The following LANCL1 variants were observed in gnomAD, a reference collection of about 807,000 sequenced individuals.
LANCL1 encodes the protein glutathione S-transferase LANCL1.
Under a neutral mutation model 50.6 loss-of-function variants are expected in LANCL1, and 50 were observed. That is an observed-to-expected ratio of 0.99 (90% CI 0.79 to 1.25). The LOEUF (loss-of-function observed/expected upper bound fraction) is 1.25. Among genes scored for constraint, LANCL1 ranks in the 50% most tolerant of loss-of-function variants. LANCL1 has a pLI of 0.00. For missense variants in LANCL1, 532 were observed against 480.7 expected, an observed-to-expected ratio of 1.11 and a Z score of -1.00; for synonymous variants, 188 against 178.6, an observed-to-expected ratio of 1.05 and a Z score of -0.42.
At position 210,476,605 on chromosome 2, in the gene LANCL1, G is replaced by A; in HGVS notation, c.-17+15C>T. 1 of 1,363,616 alleles carries A rather than the reference G, an allele frequency of 7.3e-7. No homozygotes were observed. Among genetic ancestry groups the A allele is most frequent in the South Asian group, 1.8e-5 (1 of 55,006 alleles). 84.5% of individuals were successfully genotyped at this position (1,363,616 alleles called of 1,614,324 possible). ...TGGCGCCTTCGCGAAAAAGCTGCCA[G>A]GGCCCTTAACCCACCCGGACAAAGA... On this transcript the variant is annotated intron_variant, in intron 1 of 9. Coordinates refer to ENST00000450366, the MANE Select transcript of LANCL1 (RefSeq NM_006055.3).
chr2:210,464,895 A>T (rs937383233), intron 3 of LANCL1, among the ~76,000 whole-genome samples: 1 of 146,742 alleles, frequency 6.8e-6, no homozygotes. Context: ...GAACCCGGGA[A>T]GCGGAGCTTG....
intron 3 of LANCL1, among the ~76,000 whole-genome samples, chr2:210,463,130 T>C (rs1693920017): frequency 6.6e-6 from 1 of 152,206 alleles, no homozygotes; most frequent in Non-Finnish European, 1.5e-5. Context: ...TAACCTTGAA[T>C]GAAGTACTCA....
At position 210,441,331 on chromosome 2, in the gene LANCL1, T is replaced by A. The variant is rs369706201; in HGVS notation, c.520A>T (p.Ile174Phe). 1 of 1,612,870 alleles carries A rather than the reference T, an allele frequency of 6.2e-7. No individual in the cohort carries two copies. Among genetic ancestry groups the A allele is most frequent in the African/African-American group, 1.3e-5 (1 of 74,902 alleles). Residue 174 changes from isoleucine to phenylalanine, a missense_variant, in exon 5 of 10, where the codon ATT becomes TTT. Ile to Phe is a conservative substitution (Grantham distance 21, BLOSUM62 0). Transcript: ENST00000450366. The stretch of plus-strand genomic sequence containing the variant: ...ACCTGCTGAATATGGCTTTGAGGAA[T>A]CTTTTCCACTCCAAAGTTCTTATTG... ...FVNKNFGVEK[I>F]PQSHIQQICE...
Position 210,433,932 on chromosome 2 carries a change from T to G in LANCL1, c.*555A>C, listed in dbSNP as rs1211705852. The G allele has an allele frequency of 6.6e-6, 1 of 152,208 alleles. No homozygotes were observed. Among genetic ancestry groups the G allele is most frequent in the Non-Finnish European group, 1.5e-5 (1 of 68,028 alleles). 9.4% of individuals were successfully genotyped at this position (152,208 alleles called of 1,614,324 possible). Reference sequence around the variant, plus strand: ...TAGGCATCAAGAATTTAAAAAATGATATTTAGGTACCAAGTCCAGATTGTA... The same window carrying G: ...TAGGCATCAAGAATTTAAAAAATGAGATTTAGGTACCAAGTCCAGATTGTA... On this transcript the variant is annotated 3_prime_UTR_variant, in exon 10 of 10. Transcript: ENST00000450366.
chr2:210,463,296 C>T (rs1166759476), intron 3 of LANCL1, among the ~76,000 whole-genome samples: 1 of 152,006 alleles, frequency 6.6e-6, no homozygotes, highest in African/African-American at 2.4e-5. Flanking sequence ...CTGCAACCTC[C>T]GCCTCCTGGA....
At chr2:210,460,947 TG>T (rs1381723842) in intron 3 of LANCL1, 4 of 152,070 alleles carry the variant, frequency 2.6e-5, no homozygotes, top group African/African-American at 9.7e-5. Flanking sequence ...GAAAATAAGA[TG>T]AAAAAAACAA....
chr2:210,465,019 C>T (rs1436406370), intron 3 of LANCL1, among the ~76,000 whole-genome samples: 2 of 151,962 alleles, frequency 1.3e-5, no homozygotes, highest in East Asian at 3.9e-4. Flanking sequence ...TACATAGTGC[C>T]ACCTGCAGTC....
At chr2:210,441,255 TAGTA>T (rs1388783742) in intron 5 of LANCL1, 49 bp downstream of exon 5, 3 of 1,558,854 alleles carry the variant, frequency 1.9e-6, no homozygotes, top group Non-Finnish European at 2.6e-6. Flanking sequence ...TTTAGGCAGA[TAGTA>T]AGTAAATGGG....
Position 210,432,415 on chromosome 2 carries a change from G to A in LANCL1, c.*2072C>T, listed in dbSNP as rs1221559754. The A allele has an allele frequency of 6.6e-6, 1 of 152,182 alleles. No homozygotes were observed. Among genetic ancestry groups the A allele is most frequent in the African/African-American group, 2.4e-5 (1 of 41,446 alleles). The allele number at this position is 152,182 out of a possible 1,614,324, so 9.4% of individuals were successfully genotyped here. On this transcript the variant is annotated 3_prime_UTR_variant, in exon 10 of 10. Coordinates refer to ENST00000450366, the MANE Select transcript of LANCL1 (RefSeq NM_006055.3). Reference sequence around the variant, plus strand: ...GTGTGAAAAATCAGACCTTGGCAATGACTTTGAGCAGTAGGATGTAAATGA... The same window carrying A: ...GTGTGAAAAATCAGACCTTGGCAATAACTTTGAGCAGTAGGATGTAAATGA...
chr2:210,437,690 C>T lies in LANCL1; in HGVS notation c.873G>A (p.Lys291=). 6.4e-7 allele frequency: 1 copy of T among 1,565,802 alleles called. No homozygotes were observed. The highest frequency in any genetic ancestry group is 8.6e-7 in the Non-Finnish European group (1 of 1,159,700). The part of the protein sequence containing the change: ...GVIYMLIQAY[K]VFREEKYLCD... Reference sequence around the variant, plus strand: ...TTTATTTCAAAAATACACACAGTACCTTATAGGCCTGGATGAGCATGTAGA... The same window carrying T: ...TTTATTTCAAAAATACACACAGTACTTTATAGGCCTGGATGAGCATGTAGA... The change falls in exon 7 of 10, where the codon AAG becomes AAA. Residue 291 remains lysine (K), a splice_region_variant and synonymous_variant. Transcript: ENST00000450366.
Position 210,441,378 on chromosome 2 carries a change from T to C in LANCL1, c.473A>G (p.Tyr158Cys). The change falls in exon 5 of 10, where the codon TAC becomes TGC. Residue 158 changes from tyrosine to cysteine, a missense_variant. Tyr to Cys is a radical substitution (Grantham distance 194). Transcript: ENST00000450366. ...ATTGACAAAAAGAAGAGCATAGATG[T>C]AGCCTATTCGCCCATAGAGCATTTC... Reference protein sequence around the residue: ...PNEMLYGRIGYIYALLFVNKN... With the variant: ...PNEMLYGRIGCIYALLFVNKN... 6.2e-7 allele frequency: 1 copy of C among 1,613,210 alleles called. No homozygotes were observed. Among genetic ancestry groups the C allele is most frequent in the Middle Eastern group, 1.7e-4 (1 of 6,056 alleles).
chr2:210,476,439 T>C, intron 1 of LANCL1, 27 bp from the exon 2 acceptor site: 1 of 1,593,750 alleles, frequency 6.3e-7, no homozygotes, highest in East Asian at 2.3e-5. Context: ...AAACAGAAAC[T>C]AGGTTGAGAT....
rs1692811197 is a variant in LANCL1 at position 210,433,395 on chromosome 2, G to A, written c.*1092C>T. 1 of 152,184 alleles carries A rather than the reference G, an allele frequency of 6.6e-6. No homozygotes were observed. Among genetic ancestry groups the A allele is most frequent in the Non-Finnish European group, 1.5e-5 (1 of 68,038 alleles). 9.4% of individuals were successfully genotyped at this position (152,184 alleles called of 1,614,324 possible). A position where few individuals can be genotyped will look rare whatever the true frequency, so the allele number is the denominator to read the frequency against. On this transcript the variant is annotated 3_prime_UTR_variant, in exon 10 of 10. Transcript: ENST00000450366. ...TCAATAAAAAGCATTTCTATTAAATGCTTAGTTTAGTGTTTTTGTTCAAGT... is the reference window on the plus strand; with the variant it reads ...TCAATAAAAAGCATTTCTATTAAATACTTAGTTTAGTGTTTTTGTTCAAGT...
Position 210,440,616 on chromosome 2 carries a change from A to C in LANCL1, c.672T>G (p.Ile224Met). The change falls in exon 6 of 10, where the codon ATT becomes ATG. Residue 224 changes from isoleucine (I) to methionine (M), a missense_variant. Ile to Met is a conservative substitution (Grantham distance 10). Transcript: ENST00000450366. Reference protein sequence around the residue: ...YVGAAHGLAGIYYYLMQPSLQ... With the variant: ...YVGAAHGLAGMYYYLMQPSLQ... ...TCCTTACCTGCATCAGGTAGTAATA[A>C]ATTCCAGCCAGGCCATGAGCAGCCC... 1 of 1,612,756 alleles carries C rather than the reference A, an allele frequency of 6.2e-7. No individual in the cohort carries two copies. Among genetic ancestry groups the C allele is most frequent in the Non-Finnish European group, 8.5e-7 (1 of 1,179,610 alleles).
At position 210,434,391 on chromosome 2, in the gene LANCL1, A is replaced by C; in HGVS notation, c.*96T>G. 5 of 838,260 alleles carry C rather than the reference A, an allele frequency of 6.0e-6. No homozygotes were observed. The highest frequency in any genetic ancestry group is 2.3e-4 in the Middle Eastern group (1 of 4,376). 51.9% of individuals were successfully genotyped at this position (838,260 alleles called of 1,614,324 possible). A position where few individuals can be genotyped will look rare whatever the true frequency, so the allele number is the denominator to read the frequency against. On this transcript the variant is annotated 3_prime_UTR_variant, in exon 10 of 10. Coordinates refer to ENST00000450366, the MANE Select transcript of LANCL1 (RefSeq NM_006055.3). The stretch of plus-strand genomic sequence containing the variant: ...CTAACAAAATCAAGTCCACAGTTTG[A>C]CTCTTTGTTTCCTTGGAAAGCAACG...
Position 210,437,919 on chromosome 2 carries a change from T to G in LANCL1, c.691-47A>C, listed in dbSNP as rs769467257. On this transcript the variant is annotated intron_variant, in intron 6 of 9. Coordinates refer to ENST00000450366, the MANE Select transcript of LANCL1 (RefSeq NM_006055.3). ...TTAGTTCTGCTGAAGCAAATAAACC[T>G]TCCTAGGTCTCAGTATATTTAAACC... 8.1e-6 allele frequency: 11 copies of G among 1,352,576 alleles called. No homozygotes were observed. In the East Asian group the frequency reaches 2.0e-4, roughly 24 times the overall value. 83.8% of individuals were successfully genotyped at this position (1,352,576 alleles called of 1,614,324 possible). A position where few individuals can be genotyped will look rare whatever the true frequency, so the allele number is the denominator to read the frequency against.
intron 4 of LANCL1, among the ~76,000 whole-genome samples, chr2:210,446,598 AAGACCCTT>A (rs1477419299): frequency 6.6e-6 from 1 of 152,088 alleles, no homozygotes; most frequent in Non-Finnish European, 1.5e-5. Context: ...CATGGAAGTT[AAGACCCTT>A]GAAAAAAGCT....
chr2:210,454,096 T>C (rs567536158), intron 4 of LANCL1, among the ~76,000 whole-genome samples: 1 of 152,270 alleles, frequency 6.6e-6, no homozygotes, highest in African/African-American at 2.4e-5. Context: ...TCCCAAATCA[T>C]TTTGGGTGGA....
At chr2:210,466,154 C>T (rs1392104064) in intron 3 of LANCL1, among the ~76,000 whole-genome samples, 1 of 152,076 alleles carries the variant, frequency 6.6e-6, no homozygotes, top group African/African-American at 2.4e-5. Context: ...TAGGGACTGC[C>T]TTTTAAAGTT....
Sources: gnomAD v4.1 joint callset for allele counts (sites outside exome capture counted in the v4.1 genomes callset) on GRCh38, gnomAD v4.1.1 for gene constraint, MANE v1.5 for transcripts, NCBI Gene and HGNC (gene_info 2026-07-23, HGNC 2026-07-21) for gene names.